SEMA4A: variants seen among roughly 807,000 people sequenced by gnomAD.
SEMA4A encodes semaphorin-4A.
In SEMA4A, 52 loss-of-function variants were observed where a neutral mutation model predicts 72.5. The ratio of observed to expected loss-of-function variants is 0.72; its 90% CI spans 0.57 to 0.90. The LOEUF (loss-of-function observed/expected upper bound fraction) is 0.90, where lower values mean the gene tolerates loss of function less well. Among genes scored for constraint, SEMA4A ranks in the 40% least tolerant of loss-of-function variants. The pLI, the probability that SEMA4A is intolerant of heterozygous loss-of-function variation, is 0.00. For missense variants in SEMA4A, 926 were observed against 959.7 expected, an observed-to-expected ratio of 0.96 and a Z score of 0.46; for synonymous variants, 369 against 393.1, an observed-to-expected ratio of 0.94 and a Z score of 0.73.
chr1:156,158,098 AG>A lies in SEMA4A; in HGVS notation c.330del (p.Ser111ValfsTer88), dbSNP rs1312752901. The A allele has an allele frequency of 6.2e-7, 1 of 1,614,178 alleles. No homozygotes were observed. The highest frequency in any genetic ancestry group is 1.3e-5 in the African/African-American group (1 of 75,030). ...CCGTGGCCAGCCAGTGACAGAAAAA[AG>A]AGTGAATGTGCCTTTAAGAAGAAGA... ...MIPWPASDRKKSECAFKKKSN... is the reference protein window; with the variant it reads ...MIPWPASDRKXSECAFKKKSN... On this transcript the variant is annotated frameshift_variant, in exon 4 of 15. Transcript: ENST00000368285. LOFTEE classifies it high-confidence loss of function.
chr1:156,170,486 G>A (rs575644553), intron 10 of SEMA4A, among the ~76,000 whole-genome samples: 109 of 136,532 alleles, frequency 8.0e-4, no homozygotes, highest in African/African-American at 2.8e-3. Context: ...AAAAAAAAAG[G>A]CCAGGCGCTT....
At chr1:156,153,965 C>T (rs1442397917) in intron 1 of SEMA4A, among the ~76,000 whole-genome samples, 1 of 152,166 alleles carries the variant, frequency 6.6e-6, no homozygotes, top group Non-Finnish European at 1.5e-5. Context: ...CTGGAAGTAT[C>T]AGGCCAGGCA....
rs995346526 is a variant in SEMA4A at position 156,161,675 on chromosome 1, C to T, written c.983+157C>T. On this transcript the variant is annotated intron_variant, in intron 9 of 14. Coordinates refer to ENST00000368285, the MANE Select transcript of SEMA4A (RefSeq NM_022367.4). ...TCGTCACCACCTCTCAGGAATTTGA[C>T]TCATGCCCTTTTTGTAAATGGGAAA... The T allele has an allele frequency of 4.4e-6, 3 of 688,634 alleles. No homozygotes were observed. The African/African-American group carries it at 5.5e-5, about 13-fold the overall frequency. 42.7% of individuals were successfully genotyped at this position (688,634 alleles called of 1,614,324 possible).
chr1:156,176,679 C>T lies in SEMA4A; in HGVS notation c.1968C>T (p.Ile656=). 1 of 1,614,132 alleles carries T rather than the reference C, an allele frequency of 6.2e-7. No individual in the cohort carries two copies. Among genetic ancestry groups the T allele is most frequent in the South Asian group, 1.1e-5 (1 of 91,082 alleles). ...TLALDPELAG[I]PREHVKVPLT... is the part of the protein sequence containing the mutation. ...CCCTGGATCCTGAACTGGCAGGCAT[C>T]CCCCGGGAGCATGTGAAGGTCCCGT... The change falls in exon 15 of 15, where the codon ATC becomes ATT. Residue 656 remains isoleucine (I), a synonymous_variant. Transcript: ENST00000368285.
At chr1:156,174,463 G>A (rs1262161992) in intron 11 of SEMA4A, among the ~76,000 whole-genome samples, 3 of 152,170 alleles carry the variant, frequency 2.0e-5, no homozygotes, top group East Asian at 1.9e-4. Context: ...CTGTTAAAAG[G>A]GTGGCCAGGT....
chr1:156,157,720 C>A lies in SEMA4A; in HGVS notation c.301-350C>A, dbSNP rs184655947. 1.3e-5 allele frequency among the ~76,000 whole-genome samples: 2 copies of A among 152,312 alleles called. No individual in the cohort carries two copies. The highest frequency in any genetic ancestry group is 2.9e-5 in the Non-Finnish European group (2 of 68,022). ...AAATGTGCGGTTTGACAACTGCTGC[C>A]ATATATACCATTCATCGTGTTAGGT... On this transcript the variant is annotated intron_variant, in intron 3 of 14. Transcript: ENST00000368285. The surrounding 1 kb of genome is among the most constrained non-coding windows in gnomAD (Gnocchi z 4.5).
At chr1:156,161,222 G>C (rs1165593994) in intron 8 of SEMA4A, 124 bp from the exon 9 acceptor site, 1 of 645,658 alleles carries the variant, frequency 1.5e-6, no homozygotes, top group East Asian at 3.5e-5. Context: ...GAGGGGGCGG[G>C]GTGGGGACAC....
At chr1:156,168,098 A>G (rs932260190) in intron 10 of SEMA4A, among the ~76,000 whole-genome samples, 1 of 149,874 alleles carries the variant, frequency 6.7e-6, no homozygotes, top group Non-Finnish European at 1.5e-5. Flanking sequence ...TAATTTTTGT[A>G]TTTTTAGTAG....
At position 156,160,447 on chromosome 1, in the gene SEMA4A, G is replaced by C; in HGVS notation, c.573G>C (p.Gly191=). The change falls in exon 7 of 15, where the codon GGG becomes GGC. Residue 191 remains glycine, a synonymous_variant. Coordinates refer to ENST00000368285, the MANE Select transcript of SEMA4A (RefSeq NM_022367.4). The part of the protein sequence containing the change: ...AHKHTAVLVD[G]MLYSGTMNNF... Reference sequence around the variant, plus strand: ...TTCTCCTCTCCTCCACCCTAGATGGGATGCTCTATTCTGGTACTATGAACA... The same window carrying C: ...TTCTCCTCTCCTCCACCCTAGATGGCATGCTCTATTCTGGTACTATGAACA... 5.0e-6 allele frequency: 8 copies of C among 1,612,614 alleles called. No individual in the cohort carries two copies. Among genetic ancestry groups the C allele is most frequent in the Non-Finnish European group, 6.8e-6 (8 of 1,178,868 alleles).
chr1:156,150,953 G>A (rs531012521), upstream of SEMA4A, among the ~76,000 whole-genome samples: 1 of 152,086 alleles, frequency 6.6e-6, no homozygotes, highest in Non-Finnish European at 1.5e-5. Flanking sequence ...AAATGACACG[G>A]CCCCTGTGGG....
Position 156,165,246 on chromosome 1 carries a change from C to T in SEMA4A, c.1134+2152C>T, listed in dbSNP as rs527682125. Among the ~76,000 whole-genome samples the T allele has an allele frequency of 4.6e-5, 7 of 152,258 alleles. No homozygotes were observed. In the East Asian group the frequency reaches 7.7e-4, roughly 17 times the overall value. On this transcript the variant is annotated intron_variant, in intron 10 of 14. Transcript: ENST00000368285. ...AGTCTAGACTAGTGCCGTCTACTCC[C>T]GGAGCACAGATGCCATCCTGGAATT...
At chr1:156,161,202 A>G (rs2102958642) in intron 8 of SEMA4A, 144 bp from the exon 9 acceptor site, 1 of 408,670 alleles carries the variant, frequency 2.4e-6, no homozygotes. Flanking sequence ...GGCGGGGGAC[A>G]AGCGTGGCTG....
Position 156,154,617 on chromosome 1 carries a change from C to T in SEMA4A, c.39C>T (p.Leu13=), listed in dbSNP as rs756163807. The change falls in exon 2 of 15, where the codon CTC becomes CTT. Residue 13 remains leucine (L), a synonymous_variant. Coordinates refer to ENST00000368285, the MANE Select transcript of SEMA4A (RefSeq NM_022367.4). ...LPALGLDPWS[L]LGLFLFQLLQ... ...CCCTGGGCCTGGACCCCTGGAGCCT[C>T]CTGGGCCTTTTCCTCTTCCAACTGC... is the stretch of plus-strand genomic sequence containing the variant. The T allele has an allele frequency of 5.6e-6, 9 of 1,611,002 alleles. No homozygotes were observed. The highest frequency in any genetic ancestry group is 1.7e-5 in the Admixed American group (1 of 59,664).
chr1:156,148,808 T>C (rs1309947028), upstream of SEMA4A, among the ~76,000 whole-genome samples: 5 of 148,710 alleles, frequency 3.4e-5, no homozygotes, highest in South Asian at 2.1e-4. Flanking sequence ...TTTCTTTTTT[T>C]TTTTTTTTTT....
intron 14 of SEMA4A, 93 bp from the exon 15 acceptor site, chr1:156,176,312 G>T: frequency 4.0e-5 from 33 of 828,678 alleles, no homozygotes; most frequent in Non-Finnish European, 5.4e-5. Context: ...AAAAAAAAAA[G>T]AGGGCTGGGG....
chr1:156,154,364 G>T, intron 1 of SEMA4A, 186 bp from the exon 2 acceptor site: 1 of 609,358 alleles, frequency 1.6e-6, no homozygotes, highest in Non-Finnish European at 2.9e-6. Context: ...ACAGGCTGAG[G>T]CCTGGAAGGA....
chr1:156,168,382 CA>C (rs1264168955), intron 10 of SEMA4A, among the ~76,000 whole-genome samples: 2 of 151,916 alleles, frequency 1.3e-5, no homozygotes, highest in African/African-American at 4.8e-5. Flanking sequence ...CCACCACGCC[CA>C]GCTAATTTTT....
At chr1:156,151,809 C>T (rs541436890), upstream of SEMA4A, among the ~76,000 whole-genome samples, 17 of 132,422 alleles carry the variant, frequency 1.3e-4, no homozygotes, top group South Asian at 4.0e-3. Flanking sequence ...ACACTCCAGC[C>T]TAGGCAACAA....
In SEMA4A at chr1:156,176,906, G is replaced by A. The variant is rs777183622; in HGVS notation, c.2195G>A (p.Arg732Lys). 2.5e-6 allele frequency: 4 copies of A among 1,614,246 alleles called. No individual in the cohort carries two copies. In the South Asian group the frequency reaches 4.4e-5, roughly 18 times the overall value. Residue 732 changes from arginine (R) to lysine (K), a missense_variant, in exon 15 of 15, where the codon AGA becomes AAA. Transcript: ENST00000368285. ...CCTGGGGAGAAGGCCCCGTTAAGCAGAGAGCAACACCTCCAGTCTCCCAAG... is the reference window on the plus strand; with the variant it reads ...CCTGGGGAGAAGGCCCCGTTAAGCAAAGAGCAACACCTCCAGTCTCCCAAG... ...LRPGEKAPLS[R>K]EQHLQSPKEC...
Sources: gnomAD v4.1 joint callset for allele counts (sites outside exome capture counted in the v4.1 genomes callset) on GRCh38, gnomAD v4.1.1 for gene constraint, Gnocchi (gnomAD v3.1) non-coding constraint, MANE v1.5 for transcripts, NCBI Gene and HGNC (gene_info 2026-07-23, HGNC 2026-07-21) for gene names.